The following EHMT1 variants were observed in gnomAD, a reference collection of about 807,000 sequenced individuals.
The protein encoded by EHMT1 is histone-lysine N-methyltransferase EHMT1.
In EHMT1, 15 loss-of-function variants were observed where a neutral mutation model predicts 147.2. The ratio of observed to expected loss-of-function variants is 0.10; its 90% confidence interval spans 0.07 to 0.16. The LOEUF (loss-of-function observed/expected upper bound fraction) is 0.16, where lower values mean the gene tolerates loss of function less well. Ranked by LOEUF, EHMT1 falls within the 10% of genes least tolerant of loss-of-function variation. The pLI is 1.00. For synonymous variants in EHMT1, 795 were observed against 709.6 expected, an observed-to-expected ratio of 1.12 and a Z score of -1.91; for missense variants, 1,587 against 1,772.4, an observed-to-expected ratio of 0.90 and a Z score of 1.88.
chr9:137,645,878 ATTATT>A (rs1402103235), intron 1 of EHMT1, among the ~76,000 whole-genome samples: 1 of 151,936 alleles, frequency 6.6e-6, no homozygotes, highest in African/African-American at 2.4e-5. Flanking sequence ...TTTGGTACTA[ATTATT>A]TTATATTGGT....
intron 4 of EHMT1, among the ~76,000 whole-genome samples, chr9:137,737,819 C>A (rs1241122056): frequency 6.6e-6 from 1 of 152,114 alleles, no homozygotes; most frequent in Non-Finnish European, 1.5e-5. Context: ...ATCTGCAAAT[C>A]CTATGTCTGA....
intron 1 of EHMT1, among the ~76,000 whole-genome samples, chr9:137,707,644 CATT>C (rs1222022767): frequency 1.3e-5 from 2 of 152,232 alleles, no homozygotes; most frequent in Non-Finnish European, 2.9e-5. Context: ...TGATTCTAGA[CATT>C]ATTCGGTAGT....
At chr9:137,660,315 T>G (rs959154578) in intron 1 of EHMT1, among the ~76,000 whole-genome samples, 6 of 152,128 alleles carry the variant, frequency 3.9e-5, no homozygotes, top group African/African-American at 1.4e-4. Context: ...TAGCCTGGGT[T>G]ACAGAGCCAG....
chr9:137,833,701 C>T (rs1236228215), intron 25 of EHMT1, among the ~76,000 whole-genome samples: 2 of 152,252 alleles, frequency 1.3e-5, no homozygotes, highest in African/African-American at 2.4e-5. Flanking sequence ...ACCCGGAATC[C>T]TGGGCTCCTC....
Position 137,828,028 on chromosome 9 carries a change from G to A in EHMT1, c.3541-6321G>A, listed in dbSNP as rs1955933238. The stretch of plus-strand genomic sequence containing the variant: ...GGGGCTCCTTGTGCCAGCCGACAGG[G>A]TGCGACGGGGTGGTCGGCCCGGCTG... On this transcript the variant is annotated intron_variant, in intron 25 of 26. Transcript: ENST00000460843. This position sits in a 1 kb window ranked among gnomAD's most constrained non-coding sequence, Gnocchi z 5.3. 6.6e-6 allele frequency among the ~76,000 whole-genome samples: 1 copy of A among 152,198 alleles called. No individual in the cohort carries two copies. The highest frequency in any genetic ancestry group is 1.5e-5 in the Non-Finnish European group (1 of 68,036).
chr9:137,732,843 C>T lies in EHMT1; in HGVS notation c.823+4314C>T, dbSNP rs1947231387. Among the ~76,000 whole-genome samples, 1 of 152,272 alleles carries T rather than the reference C, an allele frequency of 6.6e-6. No individual in the cohort carries two copies. Among genetic ancestry groups the T allele is most frequent in the South Asian group, 2.1e-4 (1 of 4,822 alleles). On this transcript the variant is annotated intron_variant, in intron 4 of 26. Coordinates refer to ENST00000460843, the MANE Select transcript of EHMT1 (RefSeq NM_024757.5). This position sits in a 1 kb window ranked among gnomAD's most constrained non-coding sequence, Gnocchi z 4.6. Reference sequence around the variant, plus strand: ...CTCCCTGTGGGAGGGGTGTTGGAGCCAGGTTATCAAAGAAAGGCTGAGATT... The same window carrying T: ...CTCCCTGTGGGAGGGGTGTTGGAGCTAGGTTATCAAAGAAAGGCTGAGATT...
chr9:137,659,801 T>G (rs1263282157), intron 1 of EHMT1, among the ~76,000 whole-genome samples: 1 of 152,050 alleles, frequency 6.6e-6, no homozygotes, highest in Non-Finnish European at 1.5e-5. Flanking sequence ...GGTCTCAAAC[T>G]CGTGGGCTCA....
At chr9:137,754,083 TG>T in intron 7 of EHMT1, 87 bp from the exon 8 acceptor site, 1 of 1,599,344 alleles carries the variant, frequency 6.3e-7, no homozygotes. Flanking sequence ...GCCAGTGTTC[TG>T]TTTTGCAAGA....
intron 1 of EHMT1, among the ~76,000 whole-genome samples, chr9:137,619,306 G>A (rs1461438289): frequency 6.7e-6 from 1 of 149,396 alleles, no homozygotes; most frequent in Non-Finnish European, 1.5e-5. Flanking sequence ...GAGCGGGCGG[G>A]GGCGCAGGTG....
intron 13 of EHMT1, among the ~76,000 whole-genome samples, chr9:137,779,392 G>A (rs536746840): frequency 6.6e-6 from 1 of 152,378 alleles, no homozygotes; most frequent in East Asian, 1.9e-4. Flanking sequence ...CGGTGACTGG[G>A]AACGCAGTTT....
chr9:137,658,571 T>G (rs772831320), intron 1 of EHMT1, among the ~76,000 whole-genome samples: 2 of 152,138 alleles, frequency 1.3e-5, no homozygotes, highest in African/African-American at 2.4e-5. Flanking sequence ...AATTATCTTT[T>G]GTTTTTTTTT....
intron 9 of EHMT1, among the ~76,000 whole-genome samples, chr9:137,760,291 G>A (rs755669797): frequency 1.3e-5 from 2 of 152,210 alleles, no homozygotes; most frequent in Admixed American, 6.5e-5. Context: ...TGTAGGCCCT[G>A]GGTTCTTACC....
intron 1 of EHMT1, 75 bp from the exon 2 acceptor site, chr9:137,710,892 T>G: frequency 6.6e-7 from 1 of 1,516,358 alleles, no homozygotes; most frequent in Non-Finnish European, 8.9e-7. Context: ...TTTTTTGACT[T>G]TTTCCAAATG....
chr9:137,759,098 G>A (rs1949606750), intron 9 of EHMT1, among the ~76,000 whole-genome samples: 1 of 151,992 alleles, frequency 6.6e-6, no homozygotes, highest in Non-Finnish European at 1.5e-5. Flanking sequence ...CTGCACTCCA[G>A]CCTGGGCGAC....
chr9:137,673,427 A>C (rs1940904068), intron 1 of EHMT1, among the ~76,000 whole-genome samples: 1 of 152,100 alleles, frequency 6.6e-6, no homozygotes. Context: ...CCTTATTTTT[A>C]TGTCTCATGT....
intron 15 of EHMT1, 36 bp from the exon 16 acceptor site, chr9:137,790,812 C>T: frequency 1.9e-6 from 3 of 1,614,144 alleles, no homozygotes; most frequent in Non-Finnish European, 2.5e-6. Flanking sequence ...GCTACCGTCA[C>T]AGCCCTCCCA....
At chr9:137,641,649 C>G (rs1215223205) in intron 1 of EHMT1, 2 of 215,714 alleles carry the variant, frequency 9.3e-6, no homozygotes, top group African/African-American at 2.4e-5. Context: ...TGTGCTTCCT[C>G]GTGGGCTTGG....
chr9:137,832,126 G>A (rs1297455171), intron 25 of EHMT1, among the ~76,000 whole-genome samples: 16 of 140,618 alleles, frequency 1.1e-4, no homozygotes, highest in South Asian at 2.3e-4. Context: ...GGCTCCCTCC[G>A]CAGAACCCCC....
chr9:137,814,907 TGG>T (rs1954798671), intron 22 of EHMT1: 1 of 354,462 alleles, frequency 2.8e-6, no homozygotes, highest in African/African-American at 2.1e-5. Context: ...AGCATCAGTG[TGG>T]GCGCTGGGCT....
Sources: gnomAD v4.1 joint callset for allele counts (sites outside exome capture counted in the v4.1 genomes callset) on GRCh38, gnomAD v4.1.1 for gene constraint, Gnocchi (gnomAD v3.1) non-coding constraint, MANE v1.5 for transcripts, NCBI Gene and HGNC (gene_info 2026-07-23, HGNC 2026-07-21) for gene names.